SLC35D1: variants seen among roughly 807,000 people sequenced by gnomAD.
The protein encoded by SLC35D1 is solute carrier family 35 member D1.
In SLC35D1, 31 loss-of-function variants were observed where a neutral mutation model predicts 46.7. That is an observed-to-expected ratio of 0.66 (90% confidence interval 0.50 to 0.90). The LOEUF (loss-of-function observed/expected upper bound fraction) is 0.90, where lower values mean the gene tolerates loss of function less well. Among genes scored for constraint, SLC35D1 ranks in the 40% least tolerant of loss-of-function variants. SLC35D1 has a pLI of 0.00. For missense variants in SLC35D1, 397 were observed against 426.2 expected (o/e 0.93, Z 0.60); for synonymous variants, 195 against 164.6 (o/e 1.18, Z -1.41).
the SLC35D1 span, chr1:66,984,770 A>G: frequency 6.2e-7 from 1 of 1,614,024 alleles, no homozygotes. Flanking sequence ...GATTTTGATG[A>G]AAAAAGTGAG....
chr1:67,044,348 A>C (rs1454218914), intron 7 of SLC35D1, among the ~76,000 whole-genome samples: 116 of 134,978 alleles, frequency 8.6e-4, no homozygotes, highest in African/African-American at 2.1e-3. Flanking sequence ...AAAAAAAAAA[A>C]CCCCGAAGGA....
At chr1:67,013,511 TGC>T (rs1428035080) in intron 10 of SLC35D1, among the ~76,000 whole-genome samples, 2 of 152,032 alleles carry the variant, frequency 1.3e-5, no homozygotes, top group Admixed American at 6.6e-5. Flanking sequence ...GCCATGATTG[TGC>T]CACTAAAGCC....
chr1:67,008,578 T>G, intron 11 of SLC35D1: 1 of 654,044 alleles, frequency 1.5e-6, no homozygotes, highest in Non-Finnish European at 2.2e-6. Flanking sequence ...CTACTTTATC[T>G]GCTCTGATCC....
chr1:67,050,324 A>G (rs1378924946), intron 5 of SLC35D1, 109 bp downstream of exon 5: 1 of 828,112 alleles, frequency 1.2e-6, no homozygotes, highest in Non-Finnish European at 2.0e-6. Flanking sequence ...GGTTGCTTAA[A>G]CTTCTCAAAA....
downstream of SLC35D1, among the ~76,000 whole-genome samples, chr1:66,995,435 A>G (rs1476441803): frequency 1.5e-4 from 1 of 6,478 alleles, no homozygotes; most frequent in African/African-American, 2.2e-3. Context: ...TGCTACGCTA[A>G]AAAAAAAAAA....
intron 8 of SLC35D1, among the ~76,000 whole-genome samples, chr1:67,028,801 C>T (rs1019999755): frequency 3.9e-5 from 6 of 152,154 alleles, no homozygotes; most frequent in Non-Finnish European, 7.4e-5. Flanking sequence ...GTTTCCATTA[C>T]TGTCTTTAAT....
At chr1:67,021,389 G>C (rs1160456779) in intron 9 of SLC35D1, 146 bp downstream of exon 9, 1 of 854,444 alleles carries the variant, frequency 1.2e-6, no homozygotes, top group Non-Finnish European at 2.0e-6. Context: ...ATTCCCAAGA[G>C]CTATGAAACC....
chr1:66,988,405 C>G, the SLC35D1 span: 3 of 152,368 alleles, frequency 2.0e-5, no homozygotes, highest in African/African-American at 7.2e-5. Flanking sequence ...CACTTACAGA[C>G]TGATTTCATG....
chr1:67,019,948 T>G (rs900322367), intron 10 of SLC35D1, among the ~76,000 whole-genome samples: 2 of 152,146 alleles, frequency 1.3e-5, no homozygotes, highest in African/African-American at 4.8e-5. Context: ...AAGGTTTGGC[T>G]CAGGCATAGG....
chr1:67,008,061 T>C (rs1210085664), intron 11 of SLC35D1, among the ~76,000 whole-genome samples: 1 of 152,218 alleles, frequency 6.6e-6, no homozygotes, highest in Non-Finnish European at 1.5e-5. Flanking sequence ...GTACAGTCAT[T>C]ATGCAAGCCT....
chr1:67,001,362 C>T lies in SLC35D1; in HGVS notation c.*2978G>A, dbSNP rs1667337039. 6.6e-6 allele frequency: 1 copy of T among 152,244 alleles called. No individual in the cohort carries two copies. The highest frequency in any genetic ancestry group is 2.4e-5 in the African/African-American group (1 of 41,430). The allele number at this position is 152,244 out of a possible 1,614,324, so 9.4% of individuals were successfully genotyped here. A position where few individuals can be genotyped will look rare whatever the true frequency, so the allele number is the denominator to read the frequency against. Reference sequence around the variant, plus strand: ...AACTGGAGCCTACAAATGATTGACTCATAAAGTCCACAGCCACATGAGGCA... The same window carrying T: ...AACTGGAGCCTACAAATGATTGACTTATAAAGTCCACAGCCACATGAGGCA... On this transcript the variant is annotated 3_prime_UTR_variant, in exon 12 of 12. Transcript: ENST00000235345.
At chr1:66,979,890 G>A in the SLC35D1 span, among the ~76,000 whole-genome samples, 9 of 151,816 alleles carry the variant, frequency 5.9e-5, no homozygotes, top group Non-Finnish European at 1.2e-4. Context: ...GCCGCCTCCC[G>A]AGTAGCTGGG....
chr1:67,039,795 T>C (rs1284949489), intron 8 of SLC35D1, among the ~76,000 whole-genome samples: 2 of 152,110 alleles, frequency 1.3e-5, no homozygotes, highest in Non-Finnish European at 2.9e-5. Flanking sequence ...CACAATGACA[T>C]GGCTTTTACT....
At chr1:67,042,980 C>G (rs1469855384) in intron 7 of SLC35D1, among the ~76,000 whole-genome samples, 1 of 152,002 alleles carries the variant, frequency 6.6e-6, no homozygotes, top group Non-Finnish European at 1.5e-5. Context: ...GGCAGATCAC[C>G]TGAGGTCAGC....
At chr1:66,994,090 T>G in the SLC35D1 span, among the ~76,000 whole-genome samples, 1,442 of 152,328 alleles carry the variant, frequency 9.5e-3, 11 homozygotes, top group Middle Eastern at 0.031. Context: ...CAAGCATGCA[T>G]GCTTAGATGT....
the SLC35D1 span, chr1:66,986,254 T>C: frequency 7.2e-5 from 99 of 1,365,604 alleles, no homozygotes; most frequent in African/African-American, 1.4e-3. Context: ...TGATTACAGA[T>C]AGGATTATCC....
chr1:67,053,746 G>GCGCCGCGCCGCCGCCGC, intron 1 of SLC35D1, 65 bp downstream of exon 1: 1 of 1,373,552 alleles, frequency 7.3e-7, no homozygotes, highest in Non-Finnish European at 9.5e-7. Context: ...CAGGGAGCCG[G>GCGCCGCGCCGCCGCCGC]CGCCGCGCCG....
In SLC35D1 at chr1:67,011,448, T is replaced by C. The variant is rs183418454; in HGVS notation, c.877-2281A>G. Among the ~76,000 whole-genome samples the C allele has an allele frequency of 1.4e-3, 214 of 152,264 alleles. 4 individuals carry two copies. Among genetic ancestry groups the C allele is most frequent in the Non-Finnish European group, 2.0e-3 (137 of 68,004 alleles). On this transcript the variant is annotated intron_variant, in intron 10 of 11. Transcript: ENST00000235345. ...TCCCTGTGGAATCTGGTCAAGTGGA[T>C]GGTAAAAAAACAATCAGTTCCTTTT...
chr1:66,991,420 A>C, the SLC35D1 span, among the ~76,000 whole-genome samples: 298 of 152,276 alleles, frequency 2.0e-3, no homozygotes, highest in African/African-American at 6.5e-3. Flanking sequence ...TCACAGTCCC[A>C]TTTTTGTGGC....
Sources: gnomAD v4.1 joint callset for allele counts (sites outside exome capture counted in the v4.1 genomes callset) on GRCh38, gnomAD v4.1.1 for gene constraint, MANE v1.5 for transcripts, NCBI Gene and HGNC (gene_info 2026-07-23, HGNC 2026-07-21) for gene names.